Variants in NFX1 observed in about 807,000 individuals in gnomAD.
The protein encoded by NFX1 is nuclear transcription factor, X-box binding 1, also known as transcriptional repressor NF-X1.
In NFX1, 69 loss-of-function variants were observed where a neutral mutation model predicts 137.2. The ratio of observed to expected loss-of-function variants is 0.50; its 90% confidence interval spans 0.41 to 0.61. The LOEUF is 0.61. Among genes scored for constraint, NFX1 ranks in the 20% least tolerant of loss-of-function variants. NFX1 has a pLI of 0.00. For synonymous variants in NFX1, 495 were observed against 474.1 expected (o/e 1.04, Z -0.57); for missense variants, 1,167 against 1,391.0 (o/e 0.84, Z 2.56).
At chr9:33,360,502 A>T (rs536240179) in intron 19 of NFX1, among the ~76,000 whole-genome samples, 1 of 152,192 alleles carries the variant, frequency 6.6e-6, no homozygotes, top group Admixed American at 6.5e-5. Flanking sequence ...ATTTCTCCTC[A>T]ATCTTGGTGA....
intron 11 of NFX1, among the ~76,000 whole-genome samples, chr9:33,337,656 GA>G (rs768198917): frequency 2.0e-5 from 3 of 152,180 alleles, no homozygotes; most frequent in Non-Finnish European, 4.4e-5. Flanking sequence ...TTGAGTGCAG[GA>G]ATTCGAGGTT....
chr9:33,325,933 AAAAC>A (rs1822569187), intron 9 of NFX1, among the ~76,000 whole-genome samples: 3 of 152,224 alleles, frequency 2.0e-5, no homozygotes, highest in Admixed American at 2.0e-4. Context: ...ACTGATTTAA[AAAAC>A]AACTGTATAA....
intron 19 of NFX1, among the ~76,000 whole-genome samples, chr9:33,359,985 A>G (rs745400837): frequency 7.2e-5 from 11 of 152,218 alleles, no homozygotes; most frequent in Non-Finnish European, 1.6e-4. Flanking sequence ...AGAAGGTAAT[A>G]TGATGACTAG....
In NFX1 at chr9:33,366,107, C is replaced by G. The variant is rs1248028739; in HGVS notation, c.3040-522C>G. 2.6e-5 allele frequency: 4 copies of G among 153,932 alleles called. No individual in the cohort carries two copies. The East Asian group carries it at 7.6e-4, about 29-fold the overall frequency. 9.5% of individuals were successfully genotyped at this position (153,932 alleles called of 1,614,324 possible). ...CCTCTTCCCATTCCCCTCCTTTCCT[C>G]CCTTCTGTTACCACTTCCCAGCAGA... On this transcript the variant is annotated intron_variant, in intron 21 of 23. Coordinates refer to ENST00000379540, the MANE Select transcript of NFX1 (RefSeq NM_002504.6).
chr9:33,366,233 AC>A (rs1457124562), intron 21 of NFX1, among the ~76,000 whole-genome samples: 5 of 152,086 alleles, frequency 3.3e-5, no homozygotes, highest in Non-Finnish European at 5.9e-5. Context: ...CTGAATACTC[AC>A]GATTTTTAAA....
Position 33,347,296 on chromosome 9 carries a change from G to T in NFX1, c.2424+179G>T, listed in dbSNP as rs537917797. 3.9e-5 allele frequency among the ~76,000 whole-genome samples: 6 copies of T among 152,042 alleles called. No homozygotes were observed. The South Asian group carries it at 1.0e-3, about 26-fold the overall frequency. On this transcript the variant is annotated intron_variant, in intron 15 of 23. Coordinates refer to ENST00000379540, the MANE Select transcript of NFX1 (RefSeq NM_002504.6). ...TACAACAGAATTTACCCTTTTTATT[G>T]TACAGATCCATGAGTTTTAGCAAAA...
At chr9:33,365,051 A>C (rs1451358875) in intron 21 of NFX1, 8 of 1,129,754 alleles carry the variant, frequency 7.1e-6, no homozygotes, top group Admixed American at 3.9e-5. Flanking sequence ...AGGCAGGCAG[A>C]TCACTTGAGG....
chr9:33,343,013 G>A (rs1823284901), intron 13 of NFX1, among the ~76,000 whole-genome samples, 159 bp downstream of exon 13: 1 of 152,160 alleles, frequency 6.6e-6, no homozygotes, highest in Admixed American at 6.5e-5. Flanking sequence ...TTCTAATGCT[G>A]TGTTGTAGTC....
chr9:33,313,051 C>A (rs548299899), intron 6 of NFX1, among the ~76,000 whole-genome samples: 1 of 152,264 alleles, frequency 6.6e-6, no homozygotes, highest in East Asian at 1.9e-4. Context: ...TGTGTCAGAT[C>A]TGGGTACATG....
rs768245203 is a variant in NFX1, at chr9:33,328,621, CTG to C, written c.1950_1951del (p.Cys650TrpfsTer28). ...TCEKLCHEGD[C>X]GPCSRTSVIS... ...GTGAAAAGCTCTGCCATGAAGGAGA[CTG>C]TGGACCATGCTCTCGCACATCAGTT... On this transcript the variant is annotated frameshift_variant, in exon 10 of 24. Coordinates refer to ENST00000379540, the MANE Select transcript of NFX1 (RefSeq NM_002504.6). LOFTEE classifies it high-confidence loss of function. 6.2e-7 allele frequency: 1 copy of C among 1,612,686 alleles called. No individual in the cohort carries two copies.
chr9:33,366,500 A>G (rs1824173304), intron 21 of NFX1, 129 bp from the exon 22 acceptor site: 1 of 1,085,976 alleles, frequency 9.2e-7, no homozygotes. Context: ...AGTTAGTAAA[A>G]TGCTCTATGC....
At chr9:33,364,157 T>C in intron 20 of NFX1, 49 bp downstream of exon 20, 2 of 1,389,572 alleles carry the variant, frequency 1.4e-6, no homozygotes, top group East Asian at 2.3e-5. Flanking sequence ...TCAGGGTGTT[T>C]GGTCTTTTGA....
Position 33,294,670 on chromosome 9 carries a change from T to C in NFX1, c.276T>C (p.Cys92=). The change falls in exon 2 of 24, where the codon TGT becomes TGC. Residue 92 remains cysteine (C), a synonymous_variant. Transcript: ENST00000379540. ...AGACGTCTTTCCAGTCCTCTCCTTG[T>C]AATAAATCGCCCAAGAGCCATGGCC... The part of the protein sequence containing the change: ...SQQTSFQSSP[C]NKSPKSHGLQ... 2.5e-6 allele frequency: 4 copies of C among 1,614,148 alleles called. No individual in the cohort carries two copies. Among genetic ancestry groups the C allele is most frequent in the Non-Finnish European group, 3.4e-6 (4 of 1,180,036 alleles).
At position 33,370,607 on chromosome 9, in the gene NFX1, G is replaced by GGAC. The variant is rs1430802089; in HGVS notation, c.*630_*631insACG. ...TGTGATCAGTTCTAGACCTAGAAGGGGGTCAGGCTGCTTTACAGAATTCTA... is the reference window on the plus strand; with the variant it reads ...TGTGATCAGTTCTAGACCTAGAAGGGGACGGTCAGGCTGCTTTACAGAATTCTA... On this transcript the variant is annotated 3_prime_UTR_variant, in exon 24 of 24. Coordinates refer to ENST00000379540, the MANE Select transcript of NFX1 (RefSeq NM_002504.6). The GGAC allele has an allele frequency of 1.3e-5, 2 of 152,298 alleles. No homozygotes were observed. The highest frequency in any genetic ancestry group is 4.8e-5 in the African/African-American group (2 of 41,540). The allele number at this position is 152,298 out of a possible 1,614,324, so 9.4% of individuals were successfully genotyped here.
At chr9:33,298,162 TAAG>T (rs577638769) in intron 2 of NFX1, among the ~76,000 whole-genome samples, 14 of 152,134 alleles carry the variant, frequency 9.2e-5, no homozygotes, top group Non-Finnish European at 2.1e-4. Flanking sequence ...AAAGAAATAT[TAAG>T]AAGGTTAAGA....
rs547225010 is a variant in NFX1, at chr9:33,347,165, A to T, written c.2424+48A>T. On this transcript the variant is annotated intron_variant, in intron 15 of 23. Coordinates refer to ENST00000379540, the MANE Select transcript of NFX1 (RefSeq NM_002504.6). Reference sequence around the variant, plus strand: ...TCATTGTTCCAGGCAGAGGTTCATGATTTTATTACTTAAGAATTGTTAGTC... The same window carrying T: ...TCATTGTTCCAGGCAGAGGTTCATGTTTTTATTACTTAAGAATTGTTAGTC... 3.7e-6 allele frequency: 5 copies of T among 1,367,754 alleles called. No homozygotes were observed. In the South Asian group the frequency reaches 6.0e-5, roughly 17 times the overall value. The allele number at this position is 1,367,754 out of a possible 1,614,324, so 84.7% of individuals were successfully genotyped here.
At chr9:33,343,147 TTCTTTCTCTA>T (rs1035758780) in intron 13 of NFX1, among the ~76,000 whole-genome samples, 3 of 152,216 alleles carry the variant, frequency 2.0e-5, no homozygotes, top group Admixed American at 6.5e-5. Flanking sequence ...CTCAACAATC[TTCTTTCTCTA>T]TATTATTAGC....
At chr9:33,321,618 A>T (rs982566660) in intron 9 of NFX1, among the ~76,000 whole-genome samples, 12 of 152,258 alleles carry the variant, frequency 7.9e-5, no homozygotes, top group Middle Eastern at 3.4e-3. Flanking sequence ...GCTCATACCT[A>T]TAATCTCAGC....
At position 33,295,068 on chromosome 9, in the gene NFX1, A is replaced by G. The variant is rs866344777; in HGVS notation, c.674A>G (p.Lys225Arg). Residue 225 changes from lysine to arginine, a missense_variant, in exon 2 of 24, where the codon AAA becomes AGA. This residue lies in a region of NFX1 where 367 missense variants were observed against 386.7 expected (regional missense o/e 0.95). Coordinates refer to ENST00000379540, the MANE Select transcript of NFX1 (RefSeq NM_002504.6). ...HPDSSEASSR[K>R]GVLDGYGARR... ...GACTCTTCAGAGGCATCCTCTAGAA[A>G]AGGAGTATTGGATGGGTATGGAGCC... is the stretch of plus-strand genomic sequence containing the variant. The G allele has an allele frequency of 6.2e-7, 1 of 1,614,154 alleles. No individual in the cohort carries two copies. The highest frequency in any genetic ancestry group is 8.5e-7 in the Non-Finnish European group (1 of 1,180,028).
Sources: gnomAD v4.1 joint callset for allele counts (sites outside exome capture counted in the v4.1 genomes callset) on GRCh38, gnomAD v4.1.1 for gene constraint, gnomAD v4.1.1 regional missense constraint, MANE v1.5 for transcripts, NCBI Gene and HGNC (gene_info 2026-07-23, HGNC 2026-07-21) for gene names.